Variants in SUMF1 observed in about 807,000 individuals in gnomAD.
SUMF1 encodes the protein formylglycine-generating enzyme.
Under a neutral mutation model 47.6 loss-of-function variants are expected in SUMF1, and 48 were observed. That is an observed-to-expected ratio of 1.01 (90% CI 0.80 to 1.28). SUMF1 has a LOEUF of 1.28. Among genes scored for constraint, SUMF1 ranks in the 50% most tolerant of loss-of-function variants. The pLI, the probability that SUMF1 is intolerant of heterozygous loss-of-function variation, is 0.00. For missense variants in SUMF1, 571 were observed against 485.4 expected, an observed-to-expected ratio of 1.18 and a Z score of -1.66; for synonymous variants, 230 against 192.1, an observed-to-expected ratio of 1.20 and a Z score of -1.63.
At chr3:4,215,104 T>C (rs1281489668) in intron 8 of SUMF1, among the ~76,000 whole-genome samples, 2 of 151,990 alleles carry the variant, frequency 1.3e-5, no homozygotes, top group Non-Finnish European at 2.9e-5. Context: ...AAAAGGAAAA[T>C]TTCAGGCCAA....
intron 8 of SUMF1, among the ~76,000 whole-genome samples, chr3:4,157,371 G>A (rs1033338536): frequency 1.3e-5 from 2 of 151,508 alleles, no homozygotes; most frequent in Non-Finnish European, 2.9e-5. Context: ...TGCTTTCCAA[G>A]TGGCTGTCAT....
At chr3:4,344,185 T>C (rs953793631) in intron 8 of SUMF1, among the ~76,000 whole-genome samples, 3 of 152,150 alleles carry the variant, frequency 2.0e-5, no homozygotes, top group African/African-American at 7.2e-5. Flanking sequence ...CTCATCAAAA[T>C]TGACTAGAAG....
chr3:4,245,430 T>C (rs1372124525), intron 8 of SUMF1, among the ~76,000 whole-genome samples: 2 of 152,192 alleles, frequency 1.3e-5, no homozygotes, highest in Non-Finnish European at 2.9e-5. Context: ...AGTGTGGATG[T>C]CCTTTTTGTT....
At chr3:4,410,342 A>G (rs1701501549) in intron 7 of SUMF1, among the ~76,000 whole-genome samples, 1 of 152,218 alleles carries the variant, frequency 6.6e-6, no homozygotes, top group South Asian at 2.1e-4. Flanking sequence ...TATAAGGTGC[A>G]TCGGTCTGAC....
At chr3:4,428,204 T>C (rs1384324334) in intron 3 of SUMF1, among the ~76,000 whole-genome samples, 3 of 152,186 alleles carry the variant, frequency 2.0e-5, no homozygotes, top group Non-Finnish European at 4.4e-5. Flanking sequence ...CAAAAATGTT[T>C]GTACAAATTC....
chr3:4,045,151 A>G (rs1336606832), intron 9 of SUMF1, among the ~76,000 whole-genome samples: 2 of 152,130 alleles, frequency 1.3e-5, no homozygotes, highest in African/African-American at 4.8e-5. Flanking sequence ...GTTAATTATA[A>G]GTACAGGAGA....
intron 8 of SUMF1, among the ~76,000 whole-genome samples, chr3:4,104,217 T>C (rs1693103355): frequency 6.6e-6 from 1 of 152,100 alleles, no homozygotes; most frequent in African/African-American, 2.4e-5. Context: ...CAAGATCTGA[T>C]GGTTTTATAA....
downstream of SUMF1, among the ~76,000 whole-genome samples, chr3:4,357,827 T>C (rs1387531983): frequency 6.6e-6 from 1 of 151,958 alleles, no homozygotes; most frequent in Non-Finnish European, 1.5e-5. Context: ...AGGTTAGTCA[T>C]GAACTCCTGA....
At chr3:4,094,718 G>C (rs1489712562) in intron 8 of SUMF1, among the ~76,000 whole-genome samples, 1 of 152,138 alleles carries the variant, frequency 6.6e-6, no homozygotes, top group East Asian at 1.9e-4. Context: ...CAATGTCAGT[G>C]AGAAGGTTGA....
At chr3:4,399,686 G>A (rs552842508) in intron 7 of SUMF1, among the ~76,000 whole-genome samples, 6 of 152,342 alleles carry the variant, frequency 3.9e-5, no homozygotes, top group Admixed American at 2.0e-4. Flanking sequence ...GCCCACGGAA[G>A]TGGAAGACAG....
At chr3:4,300,575 T>C (rs894717096) in intron 8 of SUMF1, among the ~76,000 whole-genome samples, 4 of 152,218 alleles carry the variant, frequency 2.6e-5, no homozygotes, top group Admixed American at 2.0e-4. Context: ...CAGGTATAAC[T>C]GTTATTATAA....
At chr3:4,360,209 T>C (rs1432444403), downstream of SUMF1, among the ~76,000 whole-genome samples, 1 of 149,104 alleles carries the variant, frequency 6.7e-6, no homozygotes, top group South Asian at 2.1e-4. Flanking sequence ...TTTGTTCTTT[T>C]TTTTTTTTTT....
At chr3:4,339,816 C>T (rs1049150921) in intron 8 of SUMF1, among the ~76,000 whole-genome samples, 5 of 152,174 alleles carry the variant, frequency 3.3e-5, no homozygotes, top group South Asian at 4.1e-4. Flanking sequence ...GTGGCTCACG[C>T]CTGTAATCCT....
chr3:4,392,183 C>T (rs1394856560), intron 7 of SUMF1, among the ~76,000 whole-genome samples: 1 of 152,118 alleles, frequency 6.6e-6, no homozygotes, highest in Admixed American at 6.5e-5. Context: ...TCTACCATTT[C>T]TTATCTGCTC....
chr3:4,062,155 A>G (rs903475893), intron 9 of SUMF1, among the ~76,000 whole-genome samples: 1 of 152,062 alleles, frequency 6.6e-6, no homozygotes, highest in Non-Finnish European at 1.5e-5. Context: ...TCCCAGAAAA[A>G]ACAAACTCCT....
intron 7 of SUMF1, among the ~76,000 whole-genome samples, chr3:4,404,388 C>CT (rs996629764): frequency 2.0e-5 from 3 of 152,138 alleles, no homozygotes; most frequent in African/African-American, 7.2e-5. Flanking sequence ...CACTTTCGTG[C>CT]TTTTTTTCAT....
rs536839939 is a variant in SUMF1 at position 4,185,042 on chromosome 3, A to G, written c.1015-116297T>C. Among the ~76,000 whole-genome samples, 10 of 152,216 alleles carry G rather than the reference A, an allele frequency of 6.6e-5. No individual in the cohort carries two copies. In the South Asian group the frequency reaches 2.1e-3, roughly 32 times the overall value. ...ATCATCCTATTTCCTATACAAGGAGATTTTGTTGGTAAAATTTTATGAGAT... is the reference window on the plus strand; with the variant it reads ...ATCATCCTATTTCCTATACAAGGAGGTTTTGTTGGTAAAATTTTATGAGAT... On this transcript the variant is annotated intron_variant and NMD_transcript_variant, in intron 8 of 12. Coordinates refer to the SUMF1 transcript ENST00000448413.
rs182795885 is a variant in SUMF1 at position 4,187,196 on chromosome 3, C to G, written c.1015-118451G>C. 2.4e-3 allele frequency among the ~76,000 whole-genome samples: 367 copies of G among 152,054 alleles called. 2 individuals carry two copies. Among genetic ancestry groups the G allele is most frequent in the Non-Finnish European group, 3.6e-3 (242 of 67,988 alleles). ...ACCAGCCTGGGCAACAAAGCAAGAC[C>G]CCATCTCTACAAAAAATAAAAACAT... On this transcript the variant is annotated intron_variant and NMD_transcript_variant, in intron 8 of 12. Transcript: ENST00000448413.
At chr3:4,409,533 G>A (rs1238650568) in intron 7 of SUMF1, among the ~76,000 whole-genome samples, 1 of 152,124 alleles carries the variant, frequency 6.6e-6, no homozygotes, top group Non-Finnish European at 1.5e-5. Context: ...CTAAGGCCTT[G>A]TGCACCCCCT....
Sources: allele counts gnomAD v4.1 joint callset (sites outside exome capture counted in the v4.1 genomes callset), GRCh38; gene constraint gnomAD v4.1.1; transcripts MANE v1.5; gene names NCBI Gene and HGNC (gene_info 2026-07-23, HGNC 2026-07-21).